Variants in MYSM1 observed in about 807,000 individuals in gnomAD.
MYSM1 encodes the protein Myb like, SWIRM and MPN domains 1.
Under a neutral mutation model 116.0 loss-of-function variants are expected in MYSM1, and 51 were observed. The ratio of observed to expected loss-of-function variants is 0.44; its 90% confidence interval spans 0.35 to 0.56. MYSM1 has a LOEUF of 0.56. MYSM1 is among the 20% of genes least tolerant of loss of function. The pLI is 0.00. For synonymous variants in MYSM1, 313 were observed against 315.2 expected (o/e 0.99, Z 0.07); for missense variants, 900 against 974.9 (o/e 0.92, Z 1.02).
chr1:58,666,576 C>T (rs377140543), intron 16 of MYSM1, among the ~76,000 whole-genome samples: 52 of 131,600 alleles, frequency 4.0e-4, no homozygotes, highest in African/African-American at 4.6e-4. Context: ...TATTTTTTTT[C>T]TTTTTTTTTT....
At chr1:58,668,870 C>G (rs1265419497) in intron 13 of MYSM1, 114 bp downstream of exon 13, 3 of 992,448 alleles carry the variant, frequency 3.0e-6, no homozygotes, top group African/African-American at 3.3e-5. Context: ...AATTCTCTCT[C>G]ATTTTCAGTC....
At chr1:58,669,106 CTGAAAGTG>C (rs1644517477) in intron 12 of MYSM1, 68 bp from the exon 13 acceptor site, 26 of 1,213,520 alleles carry the variant, frequency 2.1e-5, no homozygotes, top group Non-Finnish European at 2.4e-5. Context: ...ATTTGTAAAT[CTGAAAGTG>C]TATATCAATA....
At chr1:58,695,913 G>A (rs1345189147) in intron 1 of MYSM1, among the ~76,000 whole-genome samples, 2 of 152,046 alleles carry the variant, frequency 1.3e-5, no homozygotes, top group African/African-American at 4.8e-5. Flanking sequence ...AGTTTTGGGG[G>A]GCTCAATCCA....
At chr1:58,669,836 C>CAAAAAAAAA (rs58828009) in intron 12 of MYSM1, among the ~76,000 whole-genome samples, 1 of 14,598 alleles carries the variant, frequency 6.9e-5, no homozygotes, top group African/African-American at 2.7e-4. Context: ...ACCCTGTCTC[C>CAAAAAAAAA]AAAAAAAAAA....
chr1:58,668,709 G>C, intron 13 of MYSM1, 27 bp from the exon 14 acceptor site: 1 of 1,577,182 alleles, frequency 6.3e-7, no homozygotes, highest in South Asian at 1.2e-5. Context: ...AAAACAAAAC[G>C]GGGGAGCATA....
At position 58,661,227 on chromosome 1, in the gene MYSM1, G is replaced by T; in HGVS notation, c.2271C>A (p.Ser757Arg). 1 of 1,612,168 alleles carries T rather than the reference G, an allele frequency of 6.2e-7. No homozygotes were observed. The highest frequency in any genetic ancestry group is 1.1e-5 in the South Asian group (1 of 91,026). ...GAAAGATTTTATCCATGGGGACGCTGCTGTAGGAAGAAATATGAAAACAAA... is the reference window on the plus strand; with the variant it reads ...GAAAGATTTTATCCATGGGGACGCTTCTGTAGGAAGAAATATGAAAACAAA... ...WIIEKYRLSH[S>R]SVPMDKIFRR... Residue 757 changes from serine (S) to arginine (R), a missense_variant and splice_region_variant, in exon 19 of 20, where the codon AGC becomes AGA. Ser to Arg is a moderately radical substitution (Grantham distance 110). This residue lies in a region of MYSM1 where 186 missense variants were observed against 196.2 expected (regional missense o/e 0.95). Coordinates refer to ENST00000472487, the MANE Select transcript of MYSM1 (RefSeq NM_001085487.3).
intron 17 of MYSM1, among the ~76,000 whole-genome samples, chr1:58,663,536 A>C (rs1276688393): frequency 1.3e-5 from 2 of 152,248 alleles, no homozygotes; most frequent in Non-Finnish European, 2.9e-5. Context: ...AGGGCAAAGC[A>C]AAAGACCTAG....
intron 6 of MYSM1, among the ~76,000 whole-genome samples, chr1:58,687,849 G>A (rs907306057): frequency 7.2e-5 from 11 of 152,096 alleles, no homozygotes; most frequent in African/African-American, 1.9e-4. Flanking sequence ...AAGCAGCAGC[G>A]GGCTCTGGCA....
intron 8 of MYSM1, among the ~76,000 whole-genome samples, chr1:58,680,999 T>C (rs1037039293): frequency 1.5e-4 from 23 of 152,046 alleles, no homozygotes; most frequent in African/African-American, 4.8e-4. Flanking sequence ...TATATATATA[T>C]AGTTATTTTT....
At chr1:58,685,458 G>A (rs557074716) in intron 6 of MYSM1, among the ~76,000 whole-genome samples, 1 of 152,030 alleles carries the variant, frequency 6.6e-6, no homozygotes. Context: ...GAAAACTGAT[G>A]GAAATGATTT....
In MYSM1 at chr1:58,676,201, G is replaced by A. The variant is rs541162757; in HGVS notation, c.1391-621C>T. The stretch of plus-strand genomic sequence containing the variant: ...TAGGAGGCTGAGGCGGGCAAATCAC[G>A]AGGTCAGGAGTTCGAGACCAGCCTG... On this transcript the variant is annotated intron_variant, in intron 9 of 19. Coordinates refer to ENST00000472487, the MANE Select transcript of MYSM1 (RefSeq NM_001085487.3). Among the ~76,000 whole-genome samples the A allele has an allele frequency of 9.2e-4, 140 of 152,064 alleles. 1 individual carries two copies. The highest frequency in any genetic ancestry group is 2.7e-3 in the African/African-American group (111 of 41,440).
chr1:58,681,787 T>C lies in MYSM1; in HGVS notation c.1257A>G (p.Gln419=), dbSNP rs755186293. The C allele has an allele frequency of 2.5e-6, 4 of 1,579,368 alleles. No individual in the cohort carries two copies. The highest frequency in any genetic ancestry group is 1.7e-4 in the Middle Eastern group (1 of 5,876). ...YLKIRNYILD[Q]WEICKPKYLN... ...TCTATAATGTAATTCTTTCTTACCA[T>C]TGATCCAAAATATAATTTCTAATTT... is the stretch of plus-strand genomic sequence containing the variant. Residue 419 remains glutamine, a splice_region_variant and synonymous_variant, in exon 8 of 20, where the codon CAA becomes CAG. Coordinates refer to ENST00000472487, the MANE Select transcript of MYSM1 (RefSeq NM_001085487.3).
intron 13 of MYSM1, 80 bp from the exon 14 acceptor site, chr1:58,668,762 G>T: frequency 7.7e-7 from 1 of 1,292,542 alleles, no homozygotes; most frequent in Non-Finnish European, 1.1e-6. Context: ...TGCCCACCCT[G>T]TTCTCCTTTA....
Position 58,692,914 on chromosome 1 carries a change from G to T in MYSM1, c.165C>A (p.Asn55Lys). The change falls in exon 3 of 20, where the codon AAC becomes AAA. Residue 55 changes from asparagine (N) to lysine (K), a missense_variant. Asn to Lys is a moderately conservative substitution (Grantham distance 94). Around this residue, in one of 3 missense-constraint regions of MYSM1, gnomAD observed 622 missense variants for 623.7 expected, o/e 1.00. Coordinates refer to ENST00000472487, the MANE Select transcript of MYSM1 (RefSeq NM_001085487.3). ...ENGLIPWTLD[N>K]TISEENRAVI... ...CAGCTCTGTTCTCTTCACTGATGGT[G>T]TTATCCAAGGTCCAAGGCTATTAAA... is the stretch of plus-strand genomic sequence containing the variant. 3 of 1,607,366 alleles carry T rather than the reference G, an allele frequency of 1.9e-6. No individual in the cohort carries two copies. The highest frequency in any genetic ancestry group is 2.5e-6 in the Non-Finnish European group (3 of 1,177,132).
At chr1:58,663,168 A>G (rs867364945) in intron 17 of MYSM1, among the ~76,000 whole-genome samples, 9 of 152,178 alleles carry the variant, frequency 5.9e-5, no homozygotes, top group Admixed American at 1.3e-4. Context: ...CCTACTCTCA[A>G]TGAAAGTTGA....
At chr1:58,665,958 G>A (rs1378114185) in intron 16 of MYSM1, among the ~76,000 whole-genome samples, 1 of 152,138 alleles carries the variant, frequency 6.6e-6, no homozygotes, top group Admixed American at 6.5e-5. Flanking sequence ...TCAGGAGGCT[G>A]AGGCAGCAGA....
rs1644351629 is a variant in MYSM1 at position 58,658,826 on chromosome 1, C to T, written c.*1171G>A. ...GGTGTCATTTGAAGATGACGTAAAG[C>T]TTAACAAATGTAAAACAAAATTCTA... On this transcript the variant is annotated 3_prime_UTR_variant, in exon 20 of 20. Coordinates refer to ENST00000472487, the MANE Select transcript of MYSM1 (RefSeq NM_001085487.3). The T allele has an allele frequency of 6.6e-6, 1 of 152,046 alleles. No homozygotes were observed. Among genetic ancestry groups the T allele is most frequent in the Non-Finnish European group, 1.5e-5 (1 of 68,008 alleles). 9.4% of individuals were successfully genotyped at this position (152,046 alleles called of 1,614,324 possible).
chr1:58,667,706 A>G (rs1466319454), intron 15 of MYSM1, 141 bp downstream of exon 15: 4 of 597,938 alleles, frequency 6.7e-6, no homozygotes, highest in East Asian at 5.6e-5. Flanking sequence ...CTGGGAATAT[A>G]TAACTTGCTA....
In MYSM1 at chr1:58,661,201, C is replaced by G. The variant is rs557393833; in HGVS notation, c.2297G>C (p.Arg766Pro). Reference protein sequence around the residue: ...HSSVPMDKIFRRDSDLTCLQK... With the variant: ...HSSVPMDKIFPRDSDLTCLQK... The stretch of plus-strand genomic sequence containing the variant: ...CAAACAAGTCAGGTCAGAATCCCGG[C>G]GAAAGATTTTATCCATGGGGACGCT... The change falls in exon 19 of 20, where the codon CGC (arginine) becomes CCC (proline). Residue 766 changes from arginine to proline, a missense_variant. By Grantham distance (103) the Arg-to-Pro change is moderately radical (BLOSUM62 -2). This residue lies in a region of MYSM1 where 186 missense variants were observed against 196.2 expected (regional missense o/e 0.95). Transcript: ENST00000472487. 1.2e-6 allele frequency: 2 copies of G among 1,612,992 alleles called. No individual in the cohort carries two copies. The highest frequency in any genetic ancestry group is 1.3e-5 in the African/African-American group (1 of 74,824).
Sources: gnomAD v4.1 joint callset for allele counts (sites outside exome capture counted in the v4.1 genomes callset) on GRCh38, gnomAD v4.1.1 for gene constraint, gnomAD v4.1.1 regional missense constraint, MANE v1.5 for transcripts, NCBI Gene and HGNC (gene_info 2026-07-23, HGNC 2026-07-21) for gene names.